The following CCDC146 variants were observed in gnomAD, a reference collection of about 807,000 sequenced individuals.
CCDC146 encodes coiled-coil domain-containing protein 146.
CCDC146 carries 92 observed loss-of-function variants against 119.3 expected under a neutral mutation model. That is an observed-to-expected ratio of 0.77 (90% CI 0.65 to 0.92). CCDC146 has a LOEUF of 0.92. CCDC146 is among the 40% of genes least tolerant of loss of function. The pLI is 0.00. For missense variants in CCDC146, 1,000 were observed against 1,103.0 expected, an observed-to-expected ratio of 0.91 and a Z score of 1.32; for synonymous variants, 372 against 371.8, an observed-to-expected ratio of 1.00 and a Z score of -0.01.
chr7:77,135,638 C>T (rs1369108967), intron 1 of CCDC146, among the ~76,000 whole-genome samples: 1 of 152,018 alleles, frequency 6.6e-6, no homozygotes, highest in East Asian at 1.9e-4. Context: ...TTTCTAAGAG[C>T]CTGTCAACAA....
chr7:77,192,965 C>T (rs926522378), intron 2 of CCDC146, among the ~76,000 whole-genome samples: 6 of 151,772 alleles, frequency 4.0e-5, no homozygotes, highest in African/African-American at 7.3e-5. Context: ...GAAAAGAAGG[C>T]GTTGTTGAAA....
chr7:77,252,974 T>A (rs10254481), intron 4 of CCDC146, among the ~76,000 whole-genome samples: 4,208 of 152,166 alleles, frequency 0.028, 194 homozygotes, highest in African/African-American at 0.095. Flanking sequence ...TGAAATATAG[T>A]CCCCCTGTGT....
At chr7:77,216,032 A>T (rs1406238376) in intron 2 of CCDC146, among the ~76,000 whole-genome samples, 1 of 151,546 alleles carries the variant, frequency 6.6e-6, no homozygotes, top group Non-Finnish European at 1.5e-5. Context: ...TCCTGTAACA[A>T]CTCATTTTAA....
At chr7:77,277,613 A>G (rs1041328935) in intron 11 of CCDC146, among the ~76,000 whole-genome samples, 1 of 152,184 alleles carries the variant, frequency 6.6e-6, no homozygotes, top group African/African-American at 2.4e-5. Flanking sequence ...CAATGTCACT[A>G]TCACCCCTAA....
At chr7:77,144,868 C>T (rs1358981545) in intron 1 of CCDC146, among the ~76,000 whole-genome samples, 1 of 151,668 alleles carries the variant, frequency 6.6e-6, no homozygotes, top group African/African-American at 2.4e-5. Context: ...GGATATTGGT[C>T]TAAAATTCTC....
chr7:77,275,612 C>T (rs1793620168), intron 11 of CCDC146, among the ~76,000 whole-genome samples: 1 of 152,158 alleles, frequency 6.6e-6, no homozygotes, highest in Non-Finnish European at 1.5e-5. Context: ...CCAGGAACAA[C>T]TCAAGAGTGG....
At chr7:77,132,892 C>T (rs1176576929) in intron 1 of CCDC146, among the ~76,000 whole-genome samples, 1 of 151,944 alleles carries the variant, frequency 6.6e-6, no homozygotes. Context: ...GTTTGGTAGG[C>T]CGGGCACGGT....
rs762639124 is a variant in CCDC146 at position 77,236,952 on chromosome 7, T to C, written c.162T>C (p.His54=). 1 of 1,613,330 alleles carries C rather than the reference T, an allele frequency of 6.2e-7. No homozygotes were observed. Among genetic ancestry groups the C allele is most frequent in the Non-Finnish European group, 8.5e-7 (1 of 1,179,240 alleles). Residue 54 remains histidine, a synonymous_variant, in exon 3 of 19, where the codon CAT becomes CAC. Transcript: ENST00000285871. ...TPAFIFLHEL[H]AMGKLPGTRM... is the part of the protein sequence containing the mutation. ...CCTTATGTTCTCTTTGCTAGTTACATGCTATGGGAAAACTTCCTGGAACCA... is the reference window on the plus strand; with the variant it reads ...CCTTATGTTCTCTTTGCTAGTTACACGCTATGGGAAAACTTCCTGGAACCA...
chr7:77,279,719 G>A (rs1181731076), intron 13 of CCDC146, among the ~76,000 whole-genome samples: 1 of 152,144 alleles, frequency 6.6e-6, no homozygotes, highest in Admixed American at 6.5e-5. Context: ...TATTTCATGC[G>A]ACATTTTACT....
intron 1 of CCDC146, among the ~76,000 whole-genome samples, chr7:77,132,736 T>TA (rs1302578565): frequency 6.6e-6 from 1 of 151,614 alleles, no homozygotes; most frequent in Non-Finnish European, 1.5e-5. Flanking sequence ...GTCTCTGTCT[T>TA]AAAAAATAAG....
intron 2 of CCDC146, among the ~76,000 whole-genome samples, chr7:77,170,251 A>T (rs1197085329): frequency 6.6e-6 from 1 of 152,062 alleles, no homozygotes; most frequent in Non-Finnish European, 1.5e-5. Flanking sequence ...TTCCTGCATT[A>T]ATTCACTCAG....
chr7:77,145,299 C>G (rs1193920324), intron 1 of CCDC146, among the ~76,000 whole-genome samples: 1 of 151,358 alleles, frequency 6.6e-6, no homozygotes, highest in Non-Finnish European at 1.5e-5. Flanking sequence ...CTATTTGATT[C>G]TTCTCTCTTT....
chr7:77,172,582 T>G (rs1212224087), intron 2 of CCDC146, among the ~76,000 whole-genome samples: 1 of 152,188 alleles, frequency 6.6e-6, no homozygotes. Flanking sequence ...GTGTGTTCAG[T>G]ATGACATTCA....
At chr7:77,232,759 G>T (rs1225081867) in intron 2 of CCDC146, among the ~76,000 whole-genome samples, 1 of 152,200 alleles carries the variant, frequency 6.6e-6, no homozygotes, top group Non-Finnish European at 1.5e-5. Context: ...AGCTACAGCT[G>T]CCCATGGGGA....
intron 2 of CCDC146, among the ~76,000 whole-genome samples, chr7:77,231,801 T>A (rs1462864206): frequency 6.6e-6 from 1 of 150,876 alleles, no homozygotes; most frequent in African/African-American, 2.4e-5. Flanking sequence ...CTAAGAAAGT[T>A]TCTGCCTGTT....
intron 2 of CCDC146, among the ~76,000 whole-genome samples, chr7:77,201,193 G>A (rs1350533776): frequency 2.0e-5 from 3 of 152,134 alleles, no homozygotes; most frequent in Non-Finnish European, 2.9e-5. Context: ...TCCTGTAGCT[G>A]TAGCGGAGGA....
chr7:77,199,900 CG>C (rs1791955386), intron 2 of CCDC146: 1 of 1,354,140 alleles, frequency 7.4e-7, no homozygotes, highest in Admixed American at 2.4e-5. Context: ...AGGGTGGGAG[CG>C]TTTGCATCAC....
intron 2 of CCDC146, among the ~76,000 whole-genome samples, chr7:77,171,982 C>A (rs1349594125): frequency 1.3e-5 from 2 of 152,160 alleles, no homozygotes; most frequent in African/African-American, 2.4e-5. Context: ...TTATTAATTG[C>A]TGGGTATAAC....
chr7:77,149,399 T>C (rs1252210762), intron 1 of CCDC146, among the ~76,000 whole-genome samples: 2 of 152,166 alleles, frequency 1.3e-5, no homozygotes, highest in Non-Finnish European at 2.9e-5. Flanking sequence ...AATTTGGAAA[T>C]GCAAAGTATC....
Sources: gnomAD v4.1 joint callset for allele counts (sites outside exome capture counted in the v4.1 genomes callset) on GRCh38, gnomAD v4.1.1 for gene constraint, MANE v1.5 for transcripts, NCBI Gene and HGNC (gene_info 2026-07-23, HGNC 2026-07-21) for gene names.